SLC26A3: variants seen among roughly 807,000 people sequenced by gnomAD.
SLC26A3 encodes the protein chloride anion exchanger.
SLC26A3 carries 64 observed loss-of-function variants against 85.6 expected under a neutral mutation model. That is an observed-to-expected ratio of 0.75 (90% CI 0.61 to 0.92). SLC26A3 has a LOEUF of 0.92. Among genes scored for constraint, SLC26A3 ranks in the 40% least tolerant of loss-of-function variants. The pLI, the probability that SLC26A3 is intolerant of heterozygous loss-of-function variation, is 0.00. For missense variants in SLC26A3, 922 were observed against 927.3 expected (o/e 0.99, Z 0.07); for synonymous variants, 349 against 336.0 (o/e 1.04, Z -0.42).
intron 17 of SLC26A3, among the ~76,000 whole-genome samples, chr7:107,772,538 A>G (rs985546308): frequency 1.3e-5 from 2 of 152,186 alleles, no homozygotes; most frequent in African/African-American, 4.8e-5. Flanking sequence ...GCACCAATGA[A>G]TGTTTATACA....
intron 12 of SLC26A3, among the ~76,000 whole-genome samples, chr7:107,778,952 T>C (rs1399986647): frequency 6.6e-6 from 1 of 152,014 alleles, no homozygotes; most frequent in Admixed American, 6.6e-5. Flanking sequence ...GATGGCACCA[T>C]TGCACTCCAG....
In SLC26A3 at chr7:107,776,549, A is replaced by T. The variant is rs1298968378; in HGVS notation, c.1585-5T>A. 3.1e-6 allele frequency: 5 copies of T among 1,612,684 alleles called. No individual in the cohort carries two copies. The highest frequency in any genetic ancestry group is 4.2e-6 in the Non-Finnish European group (5 of 1,178,754). ...CACTCCTTCTGGCTCATACATCTGT[A>T]AGGCAGAGAAGCATTGTTAGGTGTT... On this transcript the variant is annotated splice_polypyrimidine_tract_variant and splice_region_variant and intron_variant, in intron 14 of 20. Transcript: ENST00000340010.
rs1793899703 is a variant in SLC26A3, at chr7:107,765,656, A to G, written c.*199T>C. The G allele has an allele frequency of 5.7e-6, 3 of 526,636 alleles. No homozygotes were observed. Among genetic ancestry groups the G allele is most frequent in the African/African-American group, 3.8e-5 (2 of 51,982 alleles). 32.6% of individuals were successfully genotyped at this position (526,636 alleles called of 1,614,324 possible). On this transcript the variant is annotated 3_prime_UTR_variant, in exon 21 of 21. Transcript: ENST00000340010. ...TCACCCTTTGATAAAGCTACAAGAT[A>G]TAAAATTTAGAATACTTATATAATT...
chr7:107,793,563 AG>A (rs1403831996), intron 3 of SLC26A3, among the ~76,000 whole-genome samples, 178 bp downstream of exon 3: 9 of 152,138 alleles, frequency 5.9e-5, no homozygotes, highest in Non-Finnish European at 1.3e-4. Flanking sequence ...GAGAAAGGGT[AG>A]GGGGGATGTG....
intron 18 of SLC26A3, among the ~76,000 whole-genome samples, chr7:107,770,180 TTAAAAAAAAAAAGGG>T (rs1562874427): frequency 4.3e-4 from 5 of 11,706 alleles, no homozygotes; most frequent in South Asian, 9.8e-4. Context: ...TTTTTTTTTT[TTAAAAAAAAAAAGGG>T]GTTTTTTTTT....
At chr7:107,770,446 C>T (rs540636293) in intron 18 of SLC26A3, among the ~76,000 whole-genome samples, 337 of 148,612 alleles carry the variant, frequency 2.3e-3, no homozygotes, top group African/African-American at 7.9e-3. Flanking sequence ...TTTTTAGAGA[C>T]GAGGTTTCAC....
intron 16 of SLC26A3, among the ~76,000 whole-genome samples, 189 bp downstream of exon 16, chr7:107,774,588 T>C (rs543363841): frequency 2.6e-5 from 4 of 152,190 alleles, no homozygotes; most frequent in Non-Finnish European, 5.9e-5. Flanking sequence ...TTGTGTTTGG[T>C]ACTTTTCCCA....
intron 12 of SLC26A3, among the ~76,000 whole-genome samples, chr7:107,778,787 C>A (rs1293840998): frequency 6.6e-6 from 1 of 151,840 alleles, no homozygotes. Flanking sequence ...GCCAGGAGTT[C>A]AAGACTAGCC....
chr7:107,785,684 A>G (rs1162940551), intron 8 of SLC26A3, among the ~76,000 whole-genome samples: 3 of 152,236 alleles, frequency 2.0e-5, no homozygotes, highest in Admixed American at 6.5e-5. Context: ...TTAAAACTTT[A>G]AAAATTAAAA....
Position 107,791,944 on chromosome 7 carries a change from T to A in SLC26A3, c.272-4A>T. 1 of 1,553,078 alleles carries A rather than the reference T, an allele frequency of 6.4e-7. No homozygotes were observed. Among genetic ancestry groups the A allele is most frequent in the Non-Finnish European group, 8.9e-7 (1 of 1,124,714 alleles). ...ACCAGCAGAGCAAATGCTAAACCTG[T>A]AAACACACAAGCAGCAGAGCCCTTA... On this transcript the variant is annotated splice_polypyrimidine_tract_variant and splice_region_variant and intron_variant, in intron 3 of 20. Coordinates refer to ENST00000340010, the MANE Select transcript of SLC26A3 (RefSeq NM_000111.3).
intron 18 of SLC26A3, among the ~76,000 whole-genome samples, chr7:107,770,810 G>T (rs1794017042): frequency 6.6e-6 from 1 of 152,162 alleles, no homozygotes; most frequent in African/African-American, 2.4e-5. Context: ...AACAATACCT[G>T]CCCTGGAAGA....
intron 8 of SLC26A3, 69 bp from the exon 9 acceptor site, chr7:107,783,421 A>C (rs1295132849): frequency 6.4e-7 from 1 of 1,557,252 alleles, no homozygotes; most frequent in Non-Finnish European, 8.9e-7. Flanking sequence ...CATTGGGCAA[A>C]TCAATGAATG....
intron 1 of SLC26A3, 99 bp from the exon 2 acceptor site, chr7:107,794,696 ATC>A: frequency 3.1e-6 from 2 of 639,778 alleles, no homozygotes; most frequent in Admixed American, 2.5e-5. Flanking sequence ...ACCTTTTAAG[ATC>A]AAAAAAGGCA....
intron 8 of SLC26A3, among the ~76,000 whole-genome samples, chr7:107,783,825 C>G (rs1584407365): frequency 6.6e-6 from 1 of 152,248 alleles, no homozygotes. Context: ...AAACTCCTGG[C>G]AAAGAGATGG....
chr7:107,793,569 G>T (rs542775633), intron 3 of SLC26A3, among the ~76,000 whole-genome samples, 173 bp downstream of exon 3: 1 of 152,138 alleles, frequency 6.6e-6, no homozygotes, highest in Non-Finnish European at 1.5e-5. Flanking sequence ...GGGTAGGGGG[G>T]ATGTGAAGTT....
intron 1 of SLC26A3, among the ~76,000 whole-genome samples, chr7:107,796,640 A>G (rs1794506115): frequency 6.6e-6 from 1 of 152,132 alleles, no homozygotes; most frequent in Non-Finnish European, 1.5e-5. Context: ...GCTGATTACC[A>G]ACAACATGGT....
At chr7:107,766,824 G>A (rs184965210) in intron 20 of SLC26A3, among the ~76,000 whole-genome samples, 1 of 151,882 alleles carries the variant, frequency 6.6e-6, no homozygotes, top group East Asian at 1.9e-4. Flanking sequence ...AGTCCTGTTG[G>A]GGTCACTTGG....
At chr7:107,795,303 T>C (rs1794476796) in intron 1 of SLC26A3, among the ~76,000 whole-genome samples, 1 of 152,214 alleles carries the variant, frequency 6.6e-6, no homozygotes. Context: ...TTCCAAAGCA[T>C]CTGGTTTACA....
rs1198359836 is a variant in SLC26A3, at chr7:107,791,927, A to G, written c.285T>C (p.Ala95=). Residue 95 remains alanine, a synonymous_variant, in exon 4 of 21, where the codon GCT becomes GCC. Transcript: ENST00000340010. ...IVAVLQGLAF[A]LLVDIPPVYG... ...AGACTGGGGGAATGTCGACCAGCAGAGCAAATGCTAAACCTGTAAACACAC... is the reference window on the plus strand; with the variant it reads ...AGACTGGGGGAATGTCGACCAGCAGGGCAAATGCTAAACCTGTAAACACAC... 6.2e-7 allele frequency: 1 copy of G among 1,609,306 alleles called. No homozygotes were observed. Among genetic ancestry groups the G allele is most frequent in the Non-Finnish European group, 8.5e-7 (1 of 1,175,644 alleles).
Sources: allele counts gnomAD v4.1 joint callset (sites outside exome capture counted in the v4.1 genomes callset), GRCh38; gene constraint gnomAD v4.1.1; transcripts MANE v1.5; gene names NCBI Gene and HGNC (gene_info 2026-07-23, HGNC 2026-07-21).